NOD1: variants seen among roughly 807,000 people sequenced by gnomAD.
The protein encoded by NOD1 is nucleotide binding oligomerization domain containing 1, also known as nucleotide-binding oligomerization domain-containing protein 1.
A neutral mutation model predicts 81.2 loss-of-function variants in NOD1; 70 were observed. The observed-to-expected ratio is 0.86, with a 90% CI of 0.71 to 1.05. The LOEUF is 1.05. NOD1 is among the 50% of genes least tolerant of loss of function. The pLI is 0.00. For synonymous variants in NOD1, 508 were observed against 526.9 expected (o/e 0.96, Z 0.49); for missense variants, 1,233 against 1,228.0 (o/e 1.00, Z -0.06).
chr7:30,461,263 C>T (rs188352239), intron 1 of NOD1, among the ~76,000 whole-genome samples: 38 of 152,238 alleles, frequency 2.5e-4, no homozygotes, highest in Non-Finnish European at 5.0e-4. Context: ...CTGCAGCCTC[C>T]GCCTCCCAGG....
chr7:30,437,373 C>T (rs1784468780), intron 10 of NOD1, among the ~76,000 whole-genome samples, 200 bp downstream of exon 10: 3 of 152,120 alleles, frequency 2.0e-5, no homozygotes, highest in Admixed American at 6.5e-5. Flanking sequence ...ACATGTATCC[C>T]AGAACTTAAA....
chr7:30,436,099 T>C lies in NOD1; in HGVS notation c.2538-18A>G. On this transcript the variant is annotated intron_variant, in intron 10 of 13. Coordinates refer to ENST00000222823, the MANE Select transcript of NOD1 (RefSeq NM_006092.4). ...ACGCAAGACTAGGAAGGAACACACT[T>C]GGGGTGAATTATTAAAGACACATCT... is the stretch of plus-strand genomic sequence containing the variant. The C allele has an allele frequency of 1.3e-6, 2 of 1,589,624 alleles. No homozygotes were observed. Among genetic ancestry groups the C allele is most frequent in the Non-Finnish European group, 1.7e-6 (2 of 1,157,724 alleles).
At chr7:30,431,378 A>G (rs913933582) in intron 12 of NOD1, among the ~76,000 whole-genome samples, 6 of 152,272 alleles carry the variant, frequency 3.9e-5, no homozygotes, top group Non-Finnish European at 8.8e-5. Context: ...AGAACAAAGT[A>G]GAACTCACAC....
At chr7:30,439,122 T>A (rs956417024) in intron 9 of NOD1, among the ~76,000 whole-genome samples, 2 of 152,142 alleles carry the variant, frequency 1.3e-5, no homozygotes, top group African/African-American at 4.8e-5. Flanking sequence ...TAGAATGAAC[T>A]GTTGGTGGGA....
rs150842987 is a variant in NOD1 at position 30,452,742 on chromosome 7, G to C, written c.675C>G (p.Asp225Glu). ...LQSLWATGRL[D>E]AGVKFFFHFR... ...AGTGGAAGAAGAATTTGACCCCTGC[G>C]TCTAGCCGGCCCGTGGCCCAGAGGC... is the stretch of plus-strand genomic sequence containing the variant. Residue 225 changes from aspartate to glutamate, a missense_variant, in exon 6 of 14, where the codon GAC becomes GAG. Coordinates refer to ENST00000222823, the MANE Select transcript of NOD1 (RefSeq NM_006092.4). 8.1e-6 allele frequency: 13 copies of C among 1,613,564 alleles called. No individual in the cohort carries two copies. Among genetic ancestry groups the C allele is most frequent in the East Asian group, 2.2e-5 (1 of 44,902 alleles).
intron 1 of NOD1, among the ~76,000 whole-genome samples, chr7:30,462,027 C>T (rs1787139912): frequency 6.6e-6 from 1 of 152,104 alleles, no homozygotes; most frequent in Non-Finnish European, 1.5e-5. Flanking sequence ...TGTGAGCCAC[C>T]GTGCCTGGCC....
intron 6 of NOD1, among the ~76,000 whole-genome samples, chr7:30,450,787 C>T (rs1785607626): frequency 6.6e-6 from 1 of 152,186 alleles, no homozygotes; most frequent in Non-Finnish European, 1.5e-5. Context: ...CTAAAGCAAG[C>T]TATTAACTTC....
At position 30,470,865 on chromosome 7, in the gene NOD1, C is replaced by T. The variant is rs138213714; in HGVS notation, c.-352+7741G>A. Among the ~76,000 whole-genome samples, 173 of 152,274 alleles carry T rather than the reference C, an allele frequency of 1.1e-3. 1 individual carries two copies. The highest frequency in any genetic ancestry group is 3.9e-3 in the African/African-American group (162 of 41,554). On this transcript the variant is annotated intron_variant, in intron 1 of 13. Transcript: ENST00000222823. ...TGGAAACCGGTTTCCTGGAACTCCACTCTGCGAGAGGGCTGAAGTGTTTAT... is the reference window on the plus strand; with the variant it reads ...TGGAAACCGGTTTCCTGGAACTCCATTCTGCGAGAGGGCTGAAGTGTTTAT...
intron 1 of NOD1, among the ~76,000 whole-genome samples, chr7:30,464,601 C>A (rs2128092637): frequency 6.6e-6 from 1 of 152,328 alleles, no homozygotes; most frequent in Middle Eastern, 3.4e-3. Flanking sequence ...CAGCAGTGTT[C>A]AAATTCTGAC....
At chr7:30,473,987 A>G (rs931540617) in intron 1 of NOD1, among the ~76,000 whole-genome samples, 5 of 152,240 alleles carry the variant, frequency 3.3e-5, no homozygotes, top group African/African-American at 1.2e-4. Context: ...AAACTCTTAG[A>G]CCAGTGTGGG....
intron 1 of NOD1, among the ~76,000 whole-genome samples, chr7:30,461,832 G>A (rs1482513120): frequency 1.3e-5 from 2 of 152,102 alleles, no homozygotes; most frequent in African/African-American, 2.4e-5. Flanking sequence ...TCCGCCTCCC[G>A]GGTTCACGCC....
chr7:30,429,546 AAG>A, intron 12 of NOD1, 89 bp from the exon 13 acceptor site: 9 of 1,141,010 alleles, frequency 7.9e-6, no homozygotes, highest in Non-Finnish European at 1.2e-5. Flanking sequence ...GTTTTGGGAT[AAG>A]AGACAAGTTG....
intron 1 of NOD1, among the ~76,000 whole-genome samples, chr7:30,465,703 C>T (rs1787627139): frequency 6.6e-6 from 1 of 151,916 alleles, no homozygotes; most frequent in Admixed American, 6.6e-5. Flanking sequence ...ACACAGCTTT[C>T]CATAAATTGG....
chr7:30,472,803 T>C (rs1788404664), intron 1 of NOD1, among the ~76,000 whole-genome samples: 1 of 152,226 alleles, frequency 6.6e-6, no homozygotes, highest in African/African-American at 2.4e-5. Flanking sequence ...CTGTGAGAGA[T>C]AAATGTTTGT....
At chr7:30,477,842 AAAGGCCAGAAGTCATC>A (rs1788948515) in intron 1 of NOD1, among the ~76,000 whole-genome samples, 1 of 151,414 alleles carries the variant, frequency 6.6e-6, no homozygotes, top group Non-Finnish European at 1.5e-5. Context: ...CTTAAAGCAG[AAAGGCCAGAAGTCATC>A]AAGGCCATGG....
intron 1 of NOD1, among the ~76,000 whole-genome samples, chr7:30,463,059 T>C (rs1026487356): frequency 1.3e-5 from 2 of 151,980 alleles, no homozygotes; most frequent in Admixed American, 6.6e-5. Context: ...AGAAATTGAC[T>C]GCAAAGAGGA....
chr7:30,468,765 A>T, intron 1 of NOD1: 2 of 954,156 alleles, frequency 2.1e-6, no homozygotes, highest in Non-Finnish European at 2.5e-6. Context: ...ACCACATCTG[A>T]ATTCTCCTTT....
At position 30,452,892 on chromosome 7, in the gene NOD1, G is replaced by A. The variant is rs1331195911; in HGVS notation, c.525C>T (p.Gly175=). 3 of 1,614,084 alleles carry A rather than the reference G, an allele frequency of 1.9e-6. No homozygotes were observed. Among genetic ancestry groups the A allele is most frequent in the Admixed American group, 1.7e-5 (1 of 60,030 alleles). ...GGAGGCAGGCCAGGCTGTTCAGGCT[G>A]CCCAGGCTCTCATTGCTGAAGCCAA... ...ELVGFSNESL[G]SLNSLACLLD... Residue 175 remains glycine (G), a synonymous_variant, in exon 6 of 14, where the codon GGC becomes GGT. Coordinates refer to ENST00000222823, the MANE Select transcript of NOD1 (RefSeq NM_006092.4).
At chr7:30,438,420 C>A (rs971146808) in intron 9 of NOD1, among the ~76,000 whole-genome samples, 4 of 152,354 alleles carry the variant, frequency 2.6e-5, no homozygotes, top group South Asian at 2.1e-4. Flanking sequence ...AGCATTCCGT[C>A]ATGGAGTTGT....
Sources: allele counts gnomAD v4.1 joint callset (sites outside exome capture counted in the v4.1 genomes callset), GRCh38; gene constraint gnomAD v4.1.1; transcripts MANE v1.5; gene names NCBI Gene and HGNC (gene_info 2026-07-23, HGNC 2026-07-21).